Variants in GLG1 observed in about 807,000 individuals in gnomAD.
GLG1 encodes the protein Golgi apparatus protein 1.
A neutral mutation model predicts 160.5 loss-of-function variants in GLG1; 38 were observed. The ratio of observed to expected loss-of-function variants is 0.24; its 90% CI spans 0.18 to 0.31. The LOEUF is 0.31. Among genes scored for constraint, GLG1 ranks in the 10% least tolerant of loss-of-function variants. The pLI, the probability that GLG1 is intolerant of heterozygous loss-of-function variation, is 1.00. For missense variants in GLG1, 1,373 were observed against 1,505.2 expected, an observed-to-expected ratio of 0.91 and a Z score of 1.45; for synonymous variants, 644 against 543.4, an observed-to-expected ratio of 1.19 and a Z score of -2.57.
chr16:74,594,460 G>A (rs1958255269), intron 1 of GLG1, among the ~76,000 whole-genome samples: 1 of 152,146 alleles, frequency 6.6e-6, no homozygotes, highest in East Asian at 1.9e-4. Context: ...GTTCTCTTAA[G>A]TCATTGTTTT....
In GLG1 at chr16:74,463,141, G is replaced by A. The variant is rs1469515073; in HGVS notation, c.2791+215C>T. 11 of 552,396 alleles carry A rather than the reference G, an allele frequency of 2.0e-5. No homozygotes were observed. In the East Asian group the frequency reaches 3.3e-4, roughly 16 times the overall value. The allele number at this position is 552,396 out of a possible 1,614,324, so 34.2% of individuals were successfully genotyped here. ...TGATTCCTTCTGAACGTTCTTTTAGGGCAGTTTTCTGGTTCTTGTGGCCTC... is the reference window on the plus strand; with the variant it reads ...TGATTCCTTCTGAACGTTCTTTTAGAGCAGTTTTCTGGTTCTTGTGGCCTC... On this transcript the variant is annotated intron_variant, in intron 20 of 25. Transcript: ENST00000422840.
At chr16:74,602,010 T>TATCATTGATAATGATAGTCATTATCAAC (rs1958450185) in intron 1 of GLG1, among the ~76,000 whole-genome samples, 1 of 152,066 alleles carries the variant, frequency 6.6e-6, no homozygotes, top group Non-Finnish European at 1.5e-5. Flanking sequence ...TCATTATCAT[T>TATCATTGATAATGATAGTCATTATCAAC]ATCATTGATA....
chr16:74,546,837 CAAAAAAAA>C (rs71376218), intron 1 of GLG1, among the ~76,000 whole-genome samples: 26 of 59,698 alleles, frequency 4.4e-4, no homozygotes, highest in Admixed American at 5.4e-4. Context: ...GACTCCATCT[CAAAAAAAA>C]AAAAAAAAAA....
In GLG1 at chr16:74,517,250, A is replaced by G. The variant is rs536993011; in HGVS notation, c.472-8325T>C. 3.6e-4 allele frequency among the ~76,000 whole-genome samples: 55 copies of G among 152,334 alleles called. 1 individual carries two copies. The highest frequency in any genetic ancestry group is 1.3e-3 in the African/African-American group (52 of 41,578). Reference sequence around the variant, plus strand: ...CCAAAGCTTGGCACACAACAAAAAAAGGGAATTTTAGACCAATATCCCTGA... The same window carrying G: ...CCAAAGCTTGGCACACAACAAAAAAGGGGAATTTTAGACCAATATCCCTGA... On this transcript the variant is annotated intron_variant, in intron 2 of 25. Transcript: ENST00000422840.
chr16:74,521,204 G>C (rs148744359), intron 2 of GLG1, among the ~76,000 whole-genome samples: 2 of 152,154 alleles, frequency 1.3e-5, no homozygotes, highest in African/African-American at 4.8e-5. Context: ...AAGGGGCAAC[G>C]GTCGTAGGAG....
At chr16:74,472,737 G>A (rs2015250470) in intron 13 of GLG1, 4 of 436,754 alleles carry the variant, frequency 9.2e-6, no homozygotes, top group South Asian at 3.5e-5. Context: ...AAAATGCTAA[G>A]TAGTTCAAAA....
intron 2 of GLG1, 51 bp from the exon 3 acceptor site, chr16:74,508,976 T>C (rs748596702): frequency 5.2e-6 from 4 of 766,112 alleles, no homozygotes; most frequent in South Asian, 4.5e-5. Flanking sequence ...GTTAGAACAG[T>C]ACGAAATTTA....
chr16:74,467,108 A>G (rs1174992889), intron 18 of GLG1, among the ~76,000 whole-genome samples: 1 of 152,222 alleles, frequency 6.6e-6, no homozygotes, highest in East Asian at 1.9e-4. Flanking sequence ...TCTAAAACCT[A>G]TCAGAAACAG....
At chr16:74,454,920 T>C (rs999828903) in intron 25 of GLG1, among the ~76,000 whole-genome samples, 5 of 151,536 alleles carry the variant, frequency 3.3e-5, no homozygotes, top group African/African-American at 1.2e-4. Flanking sequence ...CTGGACAACA[T>C]AGCCAAGACC....
intron 1 of GLG1, among the ~76,000 whole-genome samples, chr16:74,596,360 C>T (rs1198218784): frequency 6.6e-6 from 1 of 152,122 alleles, no homozygotes; most frequent in African/African-American, 2.4e-5. Context: ...CAAACCCCTT[C>T]TCTACTAAAA....
At chr16:74,472,270 G>C (rs533340007) in intron 14 of GLG1, 79 bp downstream of exon 14, 1 of 902,930 alleles carries the variant, frequency 1.1e-6, no homozygotes, top group African/African-American at 1.7e-5. Context: ...GCAGACAGAG[G>C]TGAGTCTGAG....
At chr16:74,505,669 A>T (rs912250615) in intron 3 of GLG1, among the ~76,000 whole-genome samples, 1 of 152,228 alleles carries the variant, frequency 6.6e-6, no homozygotes, top group Non-Finnish European at 1.5e-5. Flanking sequence ...AGCCTGGGCA[A>T]CACGGTGAAA....
chr16:74,538,965 G>C (rs959107667), intron 1 of GLG1, among the ~76,000 whole-genome samples: 3 of 151,946 alleles, frequency 2.0e-5, no homozygotes, highest in African/African-American at 7.3e-5. Context: ...GTTGTGGTTT[G>C]GTTAAGGATG....
At chr16:74,473,209 CCCT>C (rs1286783791) in intron 13 of GLG1, among the ~76,000 whole-genome samples, 1 of 151,916 alleles carries the variant, frequency 6.6e-6, no homozygotes, top group Non-Finnish European at 1.5e-5. Context: ...TTTCTAATCC[CCCT>C]TTTTTTTTTT....
At chr16:74,553,629 C>T (rs191177065) in intron 1 of GLG1, among the ~76,000 whole-genome samples, 16 of 152,068 alleles carry the variant, frequency 1.1e-4, no homozygotes, top group East Asian at 1.9e-4. Flanking sequence ...CCTGCCACCA[C>T]GCCCGGCTAA....
rs200235449 is a variant in GLG1, at chr16:74,477,550, G to T, written c.1828-17C>A. 5.9e-5 allele frequency: 95 copies of T among 1,604,374 alleles called. No homozygotes were observed. The highest frequency in any genetic ancestry group is 7.9e-5 in the Non-Finnish European group (93 of 1,174,064). ...CCGTGAGAGCTGCATGAGAAAAAAT[G>T]AGCTAAATACTTGAAAGGTAACAAA... On this transcript the variant is annotated splice_polypyrimidine_tract_variant and intron_variant, in intron 11 of 25. Transcript: ENST00000422840.
chr16:74,498,442 A>AAG (rs2016278200), intron 4 of GLG1, among the ~76,000 whole-genome samples: 1 of 104,878 alleles, frequency 9.5e-6, no homozygotes, highest in African/African-American at 3.8e-5. Flanking sequence ...TCAAAAAAAA[A>AAG]AAAAAGTATA....
At chr16:74,478,912 G>A (rs1454239624) in intron 11 of GLG1, among the ~76,000 whole-genome samples, 2 of 140,814 alleles carry the variant, frequency 1.4e-5, no homozygotes, top group Non-Finnish European at 3.1e-5. Flanking sequence ...AAAAAAAGGG[G>A]GGGGTTATTT....
intron 22 of GLG1, among the ~76,000 whole-genome samples, chr16:74,460,532 C>G (rs1294686793): frequency 7.2e-5 from 11 of 152,218 alleles, no homozygotes; most frequent in African/African-American, 2.4e-4. Context: ...TGTGCCCCCT[C>G]TTCACTGGCC....
Sources: gnomAD v4.1 joint callset for allele counts (sites outside exome capture counted in the v4.1 genomes callset) on GRCh38, gnomAD v4.1.1 for gene constraint, MANE v1.5 for transcripts, NCBI Gene and HGNC (gene_info 2026-07-23, HGNC 2026-07-21) for gene names.